Variants in TNR observed in about 807,000 individuals in gnomAD.
The protein encoded by TNR is tenascin-R.
Under a neutral mutation model 150.4 loss-of-function variants are expected in TNR, and 45 were observed. The observed-to-expected ratio is 0.30, with a 90% CI of 0.24 to 0.38. TNR has a LOEUF of 0.38. Among genes scored for constraint, TNR ranks in the 10% least tolerant of loss-of-function variants. The pLI, the probability that TNR is intolerant of heterozygous loss-of-function variation, is 1.00. For synonymous variants in TNR, 687 were observed against 678.4 expected, an observed-to-expected ratio of 1.01 and a Z score of -0.20; for missense variants, 1,544 against 1,759.1, an observed-to-expected ratio of 0.88 and a Z score of 2.19.
chr1:175,564,676 TG>T (rs149626886), intron 1 of TNR, among the ~76,000 whole-genome samples: 14,286 of 152,056 alleles, frequency 0.094, 724 homozygotes, highest in Middle Eastern at 0.14. Flanking sequence ...GGGTGGTTTT[TG>T]GGGAGGGGAG....
intron 20 of TNR, among the ~76,000 whole-genome samples, chr1:175,331,043 T>TTCTTTCTTTCTTTCCTTC (rs1557867494): frequency 2.7e-4 from 21 of 78,950 alleles, no homozygotes; most frequent in South Asian, 9.1e-4. Context: ...CTTTCTTTCT[T>TTCTTTCTTTCTTTCCTTC]TCTTTCTTTC....
chr1:175,590,627 G>C (rs899018158), intron 1 of TNR, among the ~76,000 whole-genome samples: 1 of 152,234 alleles, frequency 6.6e-6, no homozygotes, highest in African/African-American at 2.4e-5. Flanking sequence ...CACAAAGGAG[G>C]GGGGGATCCA....
intron 1 of TNR, among the ~76,000 whole-genome samples, chr1:175,574,631 A>T (rs1477251900): frequency 6.6e-6 from 1 of 152,214 alleles, no homozygotes; most frequent in Non-Finnish European, 1.5e-5. Flanking sequence ...CTTTTCAAAA[A>T]GTGTCTGCTT....
intron 2 of TNR, among the ~76,000 whole-genome samples, chr1:175,487,734 T>C (rs1446291477): frequency 6.6e-6 from 1 of 152,200 alleles, no homozygotes; most frequent in African/African-American, 2.4e-5. Flanking sequence ...GTAGGAATCA[T>C]TGTTCAGGTA....
intron 9 of TNR, among the ~76,000 whole-genome samples, chr1:175,370,422 C>T (rs1484704437): frequency 7.8e-6 from 1 of 128,332 alleles, no homozygotes. Context: ...ACAGGCCGGT[C>T]CTGGGTGCAC....
Position 175,406,076 on chromosome 1 carries a change from T to C in TNR, c.499+140A>G, listed in dbSNP as rs1464850106. 5 of 1,157,156 alleles carry C rather than the reference T, an allele frequency of 4.3e-6. No homozygotes were observed. The African/African-American group carries it at 7.7e-5, about 18-fold the overall frequency. The allele number at this position is 1,157,156 out of a possible 1,614,324, so 71.7% of individuals were successfully genotyped here. A position where few individuals can be genotyped will look rare whatever the true frequency, so the allele number is the denominator to read the frequency against. On this transcript the variant is annotated intron_variant, in intron 3 of 22. Coordinates refer to ENST00000367674, the MANE Select transcript of TNR (RefSeq NM_003285.3). ...TACAGACTAGGACACTTTTTTCCTT[T>C]GACCGTGTGAAGAGATGCCGGGGTT...
At chr1:175,359,848 A>G (rs1651512728) in intron 14 of TNR, 117 bp from the exon 15 acceptor site, 1 of 1,276,196 alleles carries the variant, frequency 7.8e-7, no homozygotes, top group South Asian at 1.6e-5. Context: ...TACAAAACAA[A>G]GAAGTGAGCA....
intron 6 of TNR, among the ~76,000 whole-genome samples, chr1:175,391,926 G>T (rs1378095619): frequency 6.6e-6 from 1 of 152,196 alleles, no homozygotes; most frequent in Non-Finnish European, 1.5e-5. Flanking sequence ...TGAGATAATT[G>T]TTTATGAGCC....
At chr1:175,642,273 T>C (rs1267969029) in intron 1 of TNR, among the ~76,000 whole-genome samples, 2 of 152,044 alleles carry the variant, frequency 1.3e-5, no homozygotes, top group African/African-American at 4.8e-5. Flanking sequence ...TGCTATGTGT[T>C]TGTGGTGGGG....
intron 9 of TNR, among the ~76,000 whole-genome samples, chr1:175,376,150 C>T (rs1002340363): frequency 1.3e-5 from 2 of 151,990 alleles, no homozygotes; most frequent in Admixed American, 1.3e-4. Flanking sequence ...GGGCGTAATG[C>T]CCAGGCTGCT....
At chr1:175,696,229 T>TGTTG (rs1558077881) in intron 1 of TNR, among the ~76,000 whole-genome samples, 2 of 121,650 alleles carry the variant, frequency 1.6e-5, no homozygotes, top group African/African-American at 6.4e-5. Context: ...TTTTTTTTTT[T>TGTTG]TTTTTTTTTT....
intron 14 of TNR, among the ~76,000 whole-genome samples, chr1:175,361,231 A>C (rs1651572611): frequency 6.6e-6 from 1 of 152,146 alleles, no homozygotes; most frequent in African/African-American, 2.4e-5. Context: ...CTGGCTAAAG[A>C]AATGAGTTTT....
At chr1:175,476,419 G>C (rs986479806) in intron 2 of TNR, among the ~76,000 whole-genome samples, 2 of 152,168 alleles carry the variant, frequency 1.3e-5, no homozygotes, top group Non-Finnish European at 2.9e-5. Context: ...CTTCTCTGTA[G>C]GTAGTTTTGA....
chr1:175,486,633 A>C (rs1571508490), intron 2 of TNR, among the ~76,000 whole-genome samples: 1 of 152,374 alleles, frequency 6.6e-6, no homozygotes, highest in East Asian at 1.9e-4. Flanking sequence ...CTTTGGGTAT[A>C]TACCCAGTAA....
At chr1:175,548,887 C>T (rs742093) in intron 1 of TNR, among the ~76,000 whole-genome samples, 16,251 of 152,246 alleles carry the variant, frequency 0.11, 1,153 homozygotes, top group Non-Finnish European at 0.17. Flanking sequence ...CTTCAGGTTC[C>T]AGTCAAGGTT....
At chr1:175,541,661 T>G (rs1000973146) in intron 1 of TNR, among the ~76,000 whole-genome samples, 1 of 152,136 alleles carries the variant, frequency 6.6e-6, no homozygotes, top group African/African-American at 2.4e-5. Flanking sequence ...CATATTAACA[T>G]GAAACTCCCA....
chr1:175,522,034 G>T (rs75497043), intron 2 of TNR, among the ~76,000 whole-genome samples: 8 of 152,124 alleles, frequency 5.3e-5, no homozygotes, highest in Non-Finnish European at 1.2e-4. Flanking sequence ...ACTCAACAAA[G>T]ACTTGCTTAA....
At chr1:175,564,904 C>T (rs78083726) in intron 1 of TNR, among the ~76,000 whole-genome samples, 8,622 of 152,268 alleles carry the variant, frequency 0.057, 810 homozygotes, top group African/African-American at 0.19. Flanking sequence ...TTTCTACCTG[C>T]ACCCTTGCCC....
intron 2 of TNR, among the ~76,000 whole-genome samples, chr1:175,428,488 C>T (rs945359927): frequency 3.3e-5 from 5 of 152,154 alleles, no homozygotes; most frequent in African/African-American, 4.8e-5. Context: ...CTTAAAAATA[C>T]ATCATCTAAT....
Sources: allele counts gnomAD v4.1 joint callset (sites outside exome capture counted in the v4.1 genomes callset), GRCh38; gene constraint gnomAD v4.1.1; transcripts MANE v1.5; gene names NCBI Gene and HGNC (gene_info 2026-07-23, HGNC 2026-07-21).